The following ITSN1 variants were observed in gnomAD, a reference collection of about 807,000 sequenced individuals.
The protein encoded by ITSN1 is intersectin-1.
ITSN1 carries 58 observed loss-of-function variants against 239.8 expected under a neutral mutation model. The observed-to-expected ratio is 0.24, with a 90% CI of 0.20 to 0.30. ITSN1 has a LOEUF of 0.30. ITSN1 is among the 10% of genes least tolerant of loss of function. ITSN1 has a pLI of 1.00. For missense variants in ITSN1, 1,558 were observed against 2,103.3 expected (o/e 0.74, Z 5.07); for synonymous variants, 780 against 770.8 (o/e 1.01, Z -0.20).
chr21:33,646,604 T>C (rs1200993479), intron 1 of ITSN1, among the ~76,000 whole-genome samples: 1 of 152,170 alleles, frequency 6.6e-6, no homozygotes, highest in Non-Finnish European at 1.5e-5. Flanking sequence ...GGGAGTTTGA[T>C]CTAACCTCTC....
chr21:33,800,913 C>CA (rs1569207329), intron 19 of ITSN1, among the ~76,000 whole-genome samples: 1 of 151,294 alleles, frequency 6.6e-6, no homozygotes, highest in Non-Finnish European at 1.5e-5. Flanking sequence ...CTCCCTGCAA[C>CA]CTCTGCCTCC....
At position 33,897,995 on chromosome 21, in the gene ITSN1, G is replaced by T. The variant is rs1390657035; in HGVS notation, c.*9695G>T. ...AAAAGTATCCTGTAGCTATGACCTC[G>T]CATGGGACCTTGGTGTTGCATTAAA... On this transcript the variant is annotated 3_prime_UTR_variant, in exon 40 of 40. Transcript: ENST00000381318. 1 of 152,244 alleles carries T rather than the reference G, an allele frequency of 6.6e-6. No homozygotes were observed. The highest frequency in any genetic ancestry group is 1.9e-4 in the East Asian group (1 of 5,184). The allele number at this position is 152,244 out of a possible 1,614,324, so 9.4% of individuals were successfully genotyped here. A position where few individuals can be genotyped will look rare whatever the true frequency, so the allele number is the denominator to read the frequency against.
At chr21:33,753,964 T>G (rs2067744047) in intron 7 of ITSN1, among the ~76,000 whole-genome samples, 1 of 152,108 alleles carries the variant, frequency 6.6e-6, no homozygotes, top group Non-Finnish European at 1.5e-5. Context: ...TTCTAGCCAA[T>G]TTTTGCAATG....
intron 1 of ITSN1, among the ~76,000 whole-genome samples, chr21:33,710,114 T>C (rs2146943904): frequency 6.6e-6 from 1 of 151,594 alleles, no homozygotes; most frequent in East Asian, 1.9e-4. Context: ...AGTCTCGCTT[T>C]GTCACCCGGG....
chr21:33,655,325 A>G (rs1429771702), intron 1 of ITSN1, among the ~76,000 whole-genome samples: 1 of 152,122 alleles, frequency 6.6e-6, no homozygotes, highest in Admixed American at 6.5e-5. Context: ...CCTCCTGCAA[A>G]AACCAATACT....
chr21:33,714,124 CT>C (rs3838085), intron 1 of ITSN1, among the ~76,000 whole-genome samples: 17,231 of 152,130 alleles, frequency 0.11, 1,091 homozygotes, highest in East Asian at 0.26. Flanking sequence ...GCCACCGCCC[CT>C]GGCCCAGCCT....
At chr21:33,683,451 A>G (rs1171081145) in intron 1 of ITSN1, among the ~76,000 whole-genome samples, 1 of 152,154 alleles carries the variant, frequency 6.6e-6, no homozygotes, top group African/African-American at 2.4e-5. Context: ...TAAGCAAGCC[A>G]TTGTACAAGT....
chr21:33,772,984 A>G (rs1362701218), intron 12 of ITSN1, among the ~76,000 whole-genome samples: 1 of 150,054 alleles, frequency 6.7e-6, no homozygotes, highest in Non-Finnish European at 1.5e-5. Context: ...TACCAATTAC[A>G]TTGTTCTGCA....
chr21:33,890,733 C>A lies in ITSN1; in HGVS notation c.*2433C>A, dbSNP rs748846078. On this transcript the variant is annotated 3_prime_UTR_variant, in exon 40 of 40. Transcript: ENST00000381318. ...GTTCCTTCACCTCTACCTTCTTGAC[C>A]ACCTGGGCTATATTTCATAGAAATT... The A allele has an allele frequency of 1.3e-5, 2 of 152,166 alleles. No individual in the cohort carries two copies. The highest frequency in any genetic ancestry group is 2.9e-5 in the Non-Finnish European group (2 of 68,040). 9.4% of individuals were successfully genotyped at this position (152,166 alleles called of 1,614,324 possible).
chr21:33,696,046 T>C (rs1412730731), intron 1 of ITSN1, among the ~76,000 whole-genome samples: 1 of 152,228 alleles, frequency 6.6e-6, no homozygotes, highest in Non-Finnish European at 1.5e-5. Flanking sequence ...CTAAAACTTC[T>C]AGTAGTGATA....
In ITSN1 at chr21:33,886,359, T is replaced by G. The variant is rs1206619692; in HGVS notation, c.4916T>G (p.Leu1639Arg). ...CHITKTIQDT[L>R]NPKWNSNCQF... Reference sequence around the variant, plus strand: ...ATCACCAAGACGATCCAGGACACTCTGAACCCCAAGTGGAATTCCAACTGC... The same window carrying G: ...ATCACCAAGACGATCCAGGACACTCGGAACCCCAAGTGGAATTCCAACTGC... Residue 1639 changes from leucine to arginine, a missense_variant, in exon 39 of 40, where the codon CTG (leucine) becomes CGG (arginine). By Grantham distance (102) the Leu-to-Arg change is moderately radical. Transcript: ENST00000381318. 3 of 1,613,988 alleles carry G rather than the reference T, an allele frequency of 1.9e-6. No individual in the cohort carries two copies. Among genetic ancestry groups the G allele is most frequent in the Admixed American group, 1.7e-5 (1 of 59,988 alleles).
chr21:33,716,474 T>G (rs2065149623), intron 1 of ITSN1: 1 of 152,226 alleles, frequency 6.6e-6, no homozygotes, highest in African/African-American at 2.4e-5. Flanking sequence ...CACCCAGCAG[T>G]TCGTTCTACC....
At chr21:33,871,824 T>C (rs1455286276) in intron 33 of ITSN1, among the ~76,000 whole-genome samples, 1 of 152,114 alleles carries the variant, frequency 6.6e-6, no homozygotes, top group African/African-American at 2.4e-5. Flanking sequence ...GAAGAGCACA[T>C]AGCCTGGAGC....
intron 5 of ITSN1, among the ~76,000 whole-genome samples, chr21:33,740,252 A>T (rs985110338): frequency 1.3e-5 from 2 of 152,144 alleles, no homozygotes; most frequent in African/African-American, 4.8e-5. Flanking sequence ...TGAAGCTCAG[A>T]GGAAGGATCG....
chr21:33,697,774 C>A (rs571205641), intron 1 of ITSN1, among the ~76,000 whole-genome samples: 3 of 152,068 alleles, frequency 2.0e-5, no homozygotes, highest in Admixed American at 6.6e-5. Context: ...ATGTTTTATT[C>A]TTGATGACCC....
rs370570785 is a variant in ITSN1, at chr21:33,814,036, G to A, written c.2691G>A (p.Thr897=). 27 of 1,614,018 alleles carry A rather than the reference G, an allele frequency of 1.7e-5. No homozygotes were observed. Among genetic ancestry groups the A allele is most frequent in the African/African-American group, 9.3e-5 (7 of 74,926 alleles). The part of the protein sequence containing the change: ...LRQRSAFTPA[T]ATGSSPSPVL... ...AGAGGTCCGCCTTTACTCCAGCCAC[G>A]GCCACTGGCTCCTCCCCGTCTCCTG... The change falls in exon 22 of 40, where the codon ACG becomes ACA. Residue 897 remains threonine (T), a synonymous_variant. Transcript: ENST00000381318.
intron 5 of ITSN1, among the ~76,000 whole-genome samples, chr21:33,739,278 T>C (rs2066697285): frequency 6.6e-6 from 1 of 152,218 alleles, no homozygotes; most frequent in Admixed American, 6.5e-5. Context: ...ATGGGTAGAC[T>C]TGGTACCTTC....
chr21:33,807,084 G>C (rs779847721), intron 20 of ITSN1, among the ~76,000 whole-genome samples: 6 of 152,208 alleles, frequency 3.9e-5, no homozygotes, highest in Non-Finnish European at 7.3e-5. Flanking sequence ...ATACTTGTAA[G>C]AGTAAATTAA....
chr21:33,737,554 AC>A (rs1382681691), intron 5 of ITSN1, among the ~76,000 whole-genome samples: 1 of 152,154 alleles, frequency 6.6e-6, no homozygotes, highest in Admixed American at 6.5e-5. Flanking sequence ...ATAATTTATT[AC>A]TATTGTCATT....
Sources: gnomAD v4.1 joint callset for allele counts (sites outside exome capture counted in the v4.1 genomes callset) on GRCh38, gnomAD v4.1.1 for gene constraint, MANE v1.5 for transcripts, NCBI Gene and HGNC (gene_info 2026-07-23, HGNC 2026-07-21) for gene names.